Variants in PPM1L observed in about 807,000 individuals in gnomAD.
The protein encoded by PPM1L is protein phosphatase, Mg2+/Mn2+ dependent 1L.
Under a neutral mutation model 31.4 loss-of-function variants are expected in PPM1L, and 13 were observed. That is an observed-to-expected ratio of 0.41 (90% CI 0.27 to 0.66). PPM1L has a LOEUF of 0.66. Ranked by LOEUF, PPM1L falls within the 30% of genes least tolerant of loss-of-function variation. The pLI is 0.29. For synonymous variants in PPM1L, 184 were observed against 175.4 expected (o/e 1.05, Z -0.39); for missense variants, 326 against 453.7 (o/e 0.72, Z 2.56).
rs1720150315 is a variant in PPM1L at position 161,077,707 on chromosome 3, G to A, written c.*8550G>A. 1 of 152,074 alleles carries A rather than the reference G, an allele frequency of 6.6e-6. No individual in the cohort carries two copies. The highest frequency in any genetic ancestry group is 2.4e-5 in the African/African-American group (1 of 41,410). The allele number at this position is 152,074 out of a possible 1,614,324, so 9.4% of individuals were successfully genotyped here. On this transcript the variant is annotated 3_prime_UTR_variant, in exon 4 of 4. Coordinates refer to ENST00000498165, the MANE Select transcript of PPM1L (RefSeq NM_139245.4). Reference sequence around the variant, plus strand: ...TTCAAATATGAACAGAAGACTAAATGTCATTTTTTTAAATCATAAATTTGG... The same window carrying A: ...TTCAAATATGAACAGAAGACTAAATATCATTTTTTTAAATCATAAATTTGG...
At chr3:160,998,454 C>T (rs1408776896) in intron 2 of PPM1L, among the ~76,000 whole-genome samples, 1 of 152,184 alleles carries the variant, frequency 6.6e-6, no homozygotes, top group East Asian at 1.9e-4. Flanking sequence ...TTATCCATGT[C>T]ATTCTTGTCC....
chr3:160,825,263 AC>A (rs1320816845), intron 1 of PPM1L, among the ~76,000 whole-genome samples: 1 of 152,120 alleles, frequency 6.6e-6, no homozygotes, highest in Non-Finnish European at 1.5e-5. Flanking sequence ...CTAAAATAGA[AC>A]CGTAAGGTGT....
At chr3:161,049,390 G>A (rs116478819) in intron 2 of PPM1L, among the ~76,000 whole-genome samples, 42 of 152,322 alleles carry the variant, frequency 2.8e-4, no homozygotes, top group African/African-American at 9.9e-4. Flanking sequence ...GAGCATTTTG[G>A]ATTTTGGATT....
In PPM1L at chr3:160,928,207, C is replaced by T. The variant is rs557553705; in HGVS notation, c.400-33529C>T. ...ACCTTGGATACGTTCCTTAGTTTTT[C>T]GCTTCTAAAGTATGGATAAAATGAG... On this transcript the variant is annotated intron_variant, in intron 1 of 3. Transcript: ENST00000498165. Among the ~76,000 whole-genome samples the T allele has an allele frequency of 7.2e-5, 11 of 152,206 alleles. No individual in the cohort carries two copies. In the South Asian group the frequency reaches 1.0e-3, roughly 14 times the overall value.
intron 1 of PPM1L, among the ~76,000 whole-genome samples, chr3:160,872,442 T>A (rs1394304303): frequency 2.0e-5 from 3 of 152,196 alleles, no homozygotes; most frequent in Non-Finnish European, 2.9e-5. Context: ...GAACTGGGGA[T>A]ATAGCAGTCA....
rs571756843 is a variant in PPM1L, at chr3:160,881,349, A to G, written c.400-80387A>G. On this transcript the variant is annotated intron_variant, in intron 1 of 3. Coordinates refer to ENST00000498165, the MANE Select transcript of PPM1L (RefSeq NM_139245.4). ...GTTTCATTTTTTTCATGATGGAGAG[A>G]TGACTGAATTACTGTATTGTCAGTT... is the stretch of plus-strand genomic sequence containing the variant. 1.2e-3 allele frequency among the ~76,000 whole-genome samples: 175 copies of G among 152,148 alleles called. 1 individual carries two copies. Among genetic ancestry groups the G allele is most frequent in the Non-Finnish European group, 1.5e-3 (105 of 68,016 alleles).
At chr3:160,858,078 A>C (rs534051231) in intron 1 of PPM1L, among the ~76,000 whole-genome samples, 117 of 152,256 alleles carry the variant, frequency 7.7e-4, no homozygotes, top group African/African-American at 2.8e-3. Context: ...TGACATTTGA[A>C]ATGGCAGAGT....
intron 1 of PPM1L, among the ~76,000 whole-genome samples, chr3:160,911,384 A>G (rs1186349199): frequency 6.6e-6 from 1 of 152,184 alleles, no homozygotes; most frequent in Non-Finnish European, 1.5e-5. Flanking sequence ...GCACTGCCAT[A>G]GGTTCTGCAG....
At chr3:160,800,908 C>T (rs16831475) in intron 1 of PPM1L, among the ~76,000 whole-genome samples, 11,354 of 152,116 alleles carry the variant, frequency 0.075, 1,372 homozygotes, top group African/African-American at 0.26. Flanking sequence ...TTGGATGAGA[C>T]AGATTTTTGA....
intron 1 of PPM1L, among the ~76,000 whole-genome samples, chr3:160,944,615 A>T (rs978664966): frequency 6.8e-6 from 1 of 147,068 alleles, no homozygotes; most frequent in Non-Finnish European, 1.5e-5. Flanking sequence ...GAGGACGATG[A>T]TGTGCAGCTT....
At chr3:160,950,932 G>A (rs139982525) in intron 1 of PPM1L, among the ~76,000 whole-genome samples, 2 of 152,294 alleles carry the variant, frequency 1.3e-5, no homozygotes, top group East Asian at 3.9e-4. Flanking sequence ...AAGCTCTATA[G>A]CCCAAGATTC....
chr3:160,797,691 A>G (rs2108076250), intron 1 of PPM1L, among the ~76,000 whole-genome samples: 1 of 152,332 alleles, frequency 6.6e-6, no homozygotes, highest in African/African-American at 2.4e-5. Flanking sequence ...CAATACGGGA[A>G]AAGTTTTAGT....
chr3:161,002,073 T>C (rs1336639271), intron 2 of PPM1L, among the ~76,000 whole-genome samples: 1 of 149,866 alleles, frequency 6.7e-6, no homozygotes, highest in Non-Finnish European at 1.5e-5. Context: ...CACCTATGAG[T>C]GAGAATATGC....
At chr3:161,016,499 G>T (rs2108068072) in intron 2 of PPM1L, among the ~76,000 whole-genome samples, 1 of 152,320 alleles carries the variant, frequency 6.6e-6, no homozygotes, top group Middle Eastern at 3.4e-3. Context: ...CAGGTTGAAG[G>T]AGGAGAGATG....
intron 1 of PPM1L, among the ~76,000 whole-genome samples, chr3:160,929,190 G>A (rs755950583): frequency 1.3e-5 from 2 of 152,016 alleles, no homozygotes; most frequent in African/African-American, 4.8e-5. Context: ...CAATTAGAGT[G>A]TATTCAGTAG....
chr3:160,769,631 A>G (rs1408956882), intron 1 of PPM1L, among the ~76,000 whole-genome samples: 1 of 151,634 alleles, frequency 6.6e-6, no homozygotes, highest in Non-Finnish European at 1.5e-5. Context: ...TTTTTTCTCT[A>G]ATATATATCT....
intron 1 of PPM1L, among the ~76,000 whole-genome samples, chr3:160,894,372 T>G (rs1415492250): frequency 6.6e-6 from 1 of 152,174 alleles, no homozygotes; most frequent in African/African-American, 2.4e-5. Flanking sequence ...CTATATTGAT[T>G]TTGTGGCACT....
intron 1 of PPM1L, among the ~76,000 whole-genome samples, chr3:160,831,413 A>G (rs1003195001): frequency 3.9e-5 from 6 of 152,210 alleles, no homozygotes; most frequent in Admixed American, 3.9e-4. Flanking sequence ...ATGCCCCAGT[A>G]TCATGATCTA....
At chr3:160,824,210 G>T (rs1713289729) in intron 1 of PPM1L, among the ~76,000 whole-genome samples, 1 of 151,998 alleles carries the variant, frequency 6.6e-6, no homozygotes, top group African/African-American at 2.4e-5. Context: ...GAGTTAGTTT[G>T]CTTTCTGCCA....
Sources: gnomAD v4.1 joint callset for allele counts (sites outside exome capture counted in the v4.1 genomes callset) on GRCh38, gnomAD v4.1.1 for gene constraint, MANE v1.5 for transcripts, NCBI Gene and HGNC (gene_info 2026-07-23, HGNC 2026-07-21) for gene names.